The following ADARB2 variants were observed in gnomAD, a reference collection of about 807,000 sequenced individuals.
The protein encoded by ADARB2 is inactive double-stranded RNA-specific editase B2.
ADARB2 carries 25 observed loss-of-function variants against 62.2 expected under a neutral mutation model. The ratio of observed to expected loss-of-function variants is 0.40; its 90% CI spans 0.29 to 0.56. The LOEUF (loss-of-function observed/expected upper bound fraction) is 0.56. Among genes scored for constraint, ADARB2 ranks in the 20% least tolerant of loss-of-function variants. The probability of loss-of-function intolerance (pLI) is 0.43; values close to 1 mark genes in which losing one functional copy is unlikely to be tolerated. For synonymous variants in ADARB2, 572 were observed against 500.8 expected, an observed-to-expected ratio of 1.14 and a Z score of -1.90; for missense variants, 1,071 against 1,077.4, an observed-to-expected ratio of 0.99 and a Z score of 0.08.
intron 1 of ADARB2, among the ~76,000 whole-genome samples, chr10:1,447,920 T>C (rs1451630464): frequency 6.6e-6 from 1 of 152,206 alleles, no homozygotes; most frequent in East Asian, 1.9e-4. Flanking sequence ...TGTTCTTTTT[T>C]ATAGCTGCAT....
intron 8 of ADARB2, among the ~76,000 whole-genome samples, chr10:1,187,558 C>T (rs1836777302): frequency 6.6e-6 from 1 of 152,274 alleles, no homozygotes; most frequent in South Asian, 2.1e-4. Flanking sequence ...GATGCCCTGG[C>T]TCCGGCCTGT....
chr10:1,655,641 A>G (rs1352656698), intron 1 of ADARB2, among the ~76,000 whole-genome samples: 1 of 152,130 alleles, frequency 6.6e-6, no homozygotes, highest in Non-Finnish European at 1.5e-5. Context: ...TCTAAACAGG[A>G]GATGGAAAAC....
At chr10:1,617,812 C>T (rs1160538307) in intron 1 of ADARB2, among the ~76,000 whole-genome samples, 1 of 152,268 alleles carries the variant, frequency 6.6e-6, no homozygotes, top group Admixed American at 6.5e-5. Context: ...GAACTGGCCT[C>T]AGAGGGTTTT....
intron 1 of ADARB2, among the ~76,000 whole-genome samples, chr10:1,598,212 G>GC (rs1238335549): frequency 6.6e-6 from 1 of 151,964 alleles, no homozygotes; most frequent in African/African-American, 2.4e-5. Context: ...GACATTCCCT[G>GC]CTGGGTGCCC....
chr10:1,355,708 G>A lies in ADARB2; in HGVS notation c.1077+7320C>T, dbSNP rs115734808. ...AACCTATAGGCTTAAATACTTATCA[G>A]TTACATATTACAATTTCACCTAACA... is the stretch of plus-strand genomic sequence containing the variant. On this transcript the variant is annotated intron_variant, in intron 3 of 9. Coordinates refer to ENST00000381312, the MANE Select transcript of ADARB2 (RefSeq NM_018702.4). Among the ~76,000 whole-genome samples, 353 of 152,298 alleles carry A rather than the reference G, an allele frequency of 2.3e-3. 2 individuals carry two copies. The highest frequency in any genetic ancestry group is 8.1e-3 in the African/African-American group (338 of 41,544).
intron 5 of ADARB2, among the ~76,000 whole-genome samples, chr10:1,236,379 G>T (rs1318778873): frequency 1.9e-4 from 2 of 10,748 alleles, no homozygotes; most frequent in Non-Finnish European, 2.7e-4. Flanking sequence ...ACTCCCCTCT[G>T]CCTCCCGGTG....
intron 1 of ADARB2, among the ~76,000 whole-genome samples, chr10:1,503,917 T>G (rs1041299822): frequency 3.9e-5 from 6 of 152,198 alleles, no homozygotes; most frequent in Admixed American, 3.3e-4. Context: ...TTCACGCTTC[T>G]TGTACAGCCT....
At chr10:1,268,445 G>C (rs1190044604) in intron 4 of ADARB2, among the ~76,000 whole-genome samples, 1 of 151,460 alleles carries the variant, frequency 6.6e-6, no homozygotes, top group Non-Finnish European at 1.5e-5. Flanking sequence ...AGAACTTTCA[G>C]GAGCTAATAA....
chr10:1,722,524 G>A (rs1588366873), intron 1 of ADARB2, among the ~76,000 whole-genome samples: 1 of 152,334 alleles, frequency 6.6e-6, no homozygotes, highest in East Asian at 1.9e-4. Flanking sequence ...GTAACCCAAA[G>A]CATGAGTATC....
At chr10:1,523,415 G>A (rs747804443) in intron 1 of ADARB2, among the ~76,000 whole-genome samples, 10 of 152,158 alleles carry the variant, frequency 6.6e-5, no homozygotes, top group Non-Finnish European at 1.5e-4. Context: ...ACGTCACGCA[G>A]CCCTGAGCTG....
intron 1 of ADARB2, among the ~76,000 whole-genome samples, chr10:1,488,206 T>TC (rs1268406466): frequency 1.4e-5 from 2 of 144,310 alleles, no homozygotes; most frequent in East Asian, 4.4e-4. Context: ...GATACAGACA[T>TC]TATCTCAGAT....
intron 4 of ADARB2, among the ~76,000 whole-genome samples, chr10:1,268,663 ATGTT>A (rs564917931): frequency 1.5e-3 from 223 of 152,350 alleles, no homozygotes; most frequent in African/African-American, 4.6e-3. Flanking sequence ...GTATCTAAAA[ATGTT>A]TGTATTAGTA....
intron 1 of ADARB2, chr10:1,534,932 C>T (rs1216974783): frequency 6.0e-6 from 1 of 167,372 alleles, no homozygotes; most frequent in African/African-American, 2.4e-5. Context: ...GAGGTCGGGG[C>T]AAGGAGACTC....
intron 1 of ADARB2, among the ~76,000 whole-genome samples, chr10:1,390,762 G>A (rs1288645268): frequency 6.6e-6 from 1 of 152,216 alleles, no homozygotes; most frequent in African/African-American, 2.4e-5. Context: ...GCCAACTTTG[G>A]ATTTGCAGAT....
intron 1 of ADARB2, among the ~76,000 whole-genome samples, chr10:1,463,799 T>C (rs1201999554): frequency 6.6e-6 from 1 of 152,110 alleles, no homozygotes; most frequent in Admixed American, 6.5e-5. Flanking sequence ...GCTGGACCAG[T>C]ATCCAGAATA....
chr10:1,474,181 T>A (rs987131261), intron 1 of ADARB2, among the ~76,000 whole-genome samples: 1 of 152,186 alleles, frequency 6.6e-6, no homozygotes, highest in Admixed American at 6.5e-5. Flanking sequence ...ACACGTCACA[T>A]CTGTAAATTA....
At chr10:1,241,987 T>A in intron 5 of ADARB2, 144 bp downstream of exon 5, 1 of 902,732 alleles carries the variant, frequency 1.1e-6, no homozygotes, top group Non-Finnish European at 1.6e-6. Context: ...GTCTCTAGTC[T>A]GAATAAAAAG....
intron 1 of ADARB2, among the ~76,000 whole-genome samples, chr10:1,662,501 T>A (rs12266821): frequency 6.6e-6 from 1 of 152,000 alleles, no homozygotes; most frequent in Non-Finnish European, 1.5e-5. Context: ...TGCAGCCACG[T>A]GGGCCCAGAC....
At chr10:1,654,695 T>C (rs1834153278) in intron 1 of ADARB2, among the ~76,000 whole-genome samples, 1 of 152,254 alleles carries the variant, frequency 6.6e-6, no homozygotes, top group African/African-American at 2.4e-5. Flanking sequence ...CGAAGTGCAG[T>C]CCCTCAGAGG....
Sources: gnomAD v4.1 joint callset for allele counts (sites outside exome capture counted in the v4.1 genomes callset) on GRCh38, gnomAD v4.1.1 for gene constraint, MANE v1.5 for transcripts, NCBI Gene and HGNC (gene_info 2026-07-23, HGNC 2026-07-21) for gene names.